Variants in PRKCQ observed in about 807,000 individuals in gnomAD.
PRKCQ encodes protein kinase C theta type.
A neutral mutation model predicts 91.2 loss-of-function variants in PRKCQ; 41 were observed. The observed-to-expected ratio is 0.45, with a 90% CI of 0.35 to 0.58. The LOEUF (loss-of-function observed/expected upper bound fraction) is 0.58, where lower values mean the gene tolerates loss of function less well. Ranked by LOEUF, PRKCQ falls within the 20% of genes least tolerant of loss-of-function variation. The pLI is 0.00. For missense variants in PRKCQ, 673 were observed against 896.5 expected (o/e 0.75, Z 3.18); for synonymous variants, 307 against 316.9 (o/e 0.97, Z 0.33).
chr10:6,541,018 T>G (rs4748139), intron 1 of PRKCQ, among the ~76,000 whole-genome samples: 14,041 of 152,290 alleles, frequency 0.092, 843 homozygotes, highest in Middle Eastern at 0.21. Flanking sequence ...TTACAATGCA[T>G]ATCCAGAATA....
At chr10:6,578,669 C>T (rs866118233) in intron 1 of PRKCQ, among the ~76,000 whole-genome samples, 1 of 152,192 alleles carries the variant, frequency 6.6e-6, no homozygotes, top group Admixed American at 6.5e-5. Context: ...GAGCCTTCTG[C>T]GGTAAGCACC....
intron 1 of PRKCQ, among the ~76,000 whole-genome samples, chr10:6,564,151 C>T (rs368327077): frequency 2.0e-5 from 3 of 152,066 alleles, no homozygotes; most frequent in African/African-American, 2.4e-5. Flanking sequence ...CGCAAAGATT[C>T]GGGATTCTAT....
the PRKCQ span, among the ~76,000 whole-genome samples, chr10:6,408,217 G>C: frequency 2.0e-5 from 3 of 152,106 alleles, no homozygotes; most frequent in East Asian, 1.9e-4. Context: ...GAATTGCTCA[G>C]TTTAGATTTT....
chr10:6,494,021 C>T (rs533629951), intron 7 of PRKCQ, among the ~76,000 whole-genome samples: 11 of 152,328 alleles, frequency 7.2e-5, no homozygotes, highest in South Asian at 6.2e-4. Context: ...CTGCTTTTCA[C>T]GAGTCACCTT....
intron 14 of PRKCQ, 30 bp downstream of exon 14, chr10:6,462,273 T>C: frequency 6.3e-7 from 1 of 1,585,626 alleles, no homozygotes; most frequent in Admixed American, 1.7e-5. Flanking sequence ...GCCGATATCT[T>C]AGCATTTGTT....
chr10:6,573,029 T>C (rs1169919355), intron 1 of PRKCQ, among the ~76,000 whole-genome samples: 1 of 152,218 alleles, frequency 6.6e-6, no homozygotes. Context: ...GCTGCATGAA[T>C]GTCTTCTTTT....
intron 1 of PRKCQ, among the ~76,000 whole-genome samples, chr10:6,520,441 A>G (rs542354984): frequency 1.6e-4 from 24 of 152,004 alleles, no homozygotes; most frequent in African/African-American, 5.8e-4. Flanking sequence ...TCTCCATCCA[A>G]TCTCCATGCT....
At chr10:6,467,383 GAC>G (rs768340414) in intron 12 of PRKCQ, among the ~76,000 whole-genome samples, 10 of 71,510 alleles carry the variant, frequency 1.4e-4, no homozygotes, top group African/African-American at 3.0e-4. Context: ...GACAGAGAGA[GAC>G]AGACAGAGAG....
chr10:6,399,334 A>G, the PRKCQ span, among the ~76,000 whole-genome samples: 15 of 152,202 alleles, frequency 9.9e-5, no homozygotes, highest in Non-Finnish European at 1.8e-4. Flanking sequence ...CAGAATGTTG[A>G]GAATGTGCTC....
chr10:6,456,841 C>G, intron 14 of PRKCQ, 29 bp from the exon 15 acceptor site: 1 of 1,610,720 alleles, frequency 6.2e-7, no homozygotes, highest in East Asian at 2.2e-5. Flanking sequence ...GCAAATCTCA[C>G]ATTAATCAAT....
chr10:6,401,658 C>G, the PRKCQ span, among the ~76,000 whole-genome samples: 11 of 152,246 alleles, frequency 7.2e-5, no homozygotes, highest in South Asian at 2.3e-3. Context: ...CCAGGGCACT[C>G]TGGTCCCAAA....
chr10:6,516,508 C>T (rs1034453345), intron 1 of PRKCQ, among the ~76,000 whole-genome samples: 3 of 152,112 alleles, frequency 2.0e-5, no homozygotes, highest in African/African-American at 4.8e-5. Context: ...CAGGCAGGAG[C>T]GGGGCTAACA....
chr10:6,461,715 CCTTT>C (rs1835361047), intron 14 of PRKCQ, among the ~76,000 whole-genome samples: 1 of 152,170 alleles, frequency 6.6e-6, no homozygotes, highest in South Asian at 2.1e-4. Flanking sequence ...CTCACTAGAT[CCTTT>C]CTTTTTTTTC....
At chr10:6,473,624 G>A (rs554643640) in intron 12 of PRKCQ, among the ~76,000 whole-genome samples, 3 of 152,338 alleles carry the variant, frequency 2.0e-5, no homozygotes, top group Non-Finnish European at 4.4e-5. Flanking sequence ...GCAGGGACAC[G>A]TCTTTGGAAG....
chr10:6,442,090 C>G lies in PRKCQ; in HGVS notation c.1648-9G>C. ...TTCTGACCCAGCAAGATCTGCACAA[C>G]CAAAAGGCAGACAGGAAATTAACAG... On this transcript the variant is annotated splice_polypyrimidine_tract_variant and intron_variant, in intron 15 of 17. Transcript: ENST00000263125. 6.2e-7 allele frequency: 1 copy of G among 1,604,822 alleles called. No homozygotes were observed. Among genetic ancestry groups the G allele is most frequent in the Non-Finnish European group, 8.5e-7 (1 of 1,172,458 alleles).
chr10:6,497,128 G>A lies in PRKCQ; in HGVS notation c.575-8C>T. 6.2e-7 allele frequency: 1 copy of A among 1,613,798 alleles called. No individual in the cohort carries two copies. Among genetic ancestry groups the A allele is most frequent in the South Asian group, 1.1e-5 (1 of 91,058 alleles). On this transcript the variant is annotated splice_region_variant and splice_polypyrimidine_tract_variant and intron_variant, in intron 6 of 17. Coordinates refer to ENST00000263125, the MANE Select transcript of PRKCQ (RefSeq NM_006257.5). The surrounding 1 kb of genome is among the most constrained non-coding windows in gnomAD (Gnocchi z 4.5). ...GAATTGCTGCATTGCATTCTGAAAAGAAGAAAAAAATCACAGCTTAAGATT... is the reference window on the plus strand; with the variant it reads ...GAATTGCTGCATTGCATTCTGAAAAAAAGAAAAAAATCACAGCTTAAGATT...
the PRKCQ span, among the ~76,000 whole-genome samples, chr10:6,402,657 C>T: frequency 6.6e-6 from 1 of 152,158 alleles, no homozygotes. Context: ...TATTAAGGGC[C>T]GGGCAGGGTG....
intron 15 of PRKCQ, among the ~76,000 whole-genome samples, chr10:6,453,377 C>T (rs1834818777): frequency 6.6e-6 from 1 of 152,208 alleles, no homozygotes; most frequent in African/African-American, 2.4e-5. Context: ...GAGATACCAT[C>T]TCACACCAGT....
the PRKCQ span, among the ~76,000 whole-genome samples, chr10:6,394,797 T>C: frequency 1.1e-4 from 16 of 142,778 alleles, no homozygotes; most frequent in African/African-American, 1.7e-4. Flanking sequence ...CAAAAACAAA[T>C]AGTGATTGTG....
Sources: gnomAD v4.1 joint callset for allele counts (sites outside exome capture counted in the v4.1 genomes callset) on GRCh38, gnomAD v4.1.1 for gene constraint, Gnocchi (gnomAD v3.1) non-coding constraint, MANE v1.5 for transcripts, NCBI Gene and HGNC (gene_info 2026-07-23, HGNC 2026-07-21) for gene names.